TTLL7: variants seen among roughly 807,000 people sequenced by gnomAD.
TTLL7 encodes the protein tubulin tyrosine ligase like 7.
A neutral mutation model predicts 120.2 loss-of-function variants in TTLL7; 53 were observed. The ratio of observed to expected loss-of-function variants is 0.44; its 90% CI spans 0.35 to 0.55. The LOEUF (loss-of-function observed/expected upper bound fraction) is 0.55. Ranked by LOEUF, TTLL7 falls within the 20% of genes least tolerant of loss-of-function variation. The pLI is 0.00. For synonymous variants in TTLL7, 353 were observed against 351.7 expected, an observed-to-expected ratio of 1.00 and a Z score of -0.04; for missense variants, 803 against 1,054.7, an observed-to-expected ratio of 0.76 and a Z score of 3.31.
chr1:83,942,337 T>C, intron 7 of TTLL7, 126 bp downstream of exon 7: 2 of 695,206 alleles, frequency 2.9e-6, no homozygotes, highest in Non-Finnish European at 4.7e-6. Context: ...TGTACACAAT[T>C]CTTCCAGACC....
Position 83,870,038 on chromosome 1 carries a change from G to A in TTLL7, c.2588C>T (p.Thr863Ile), listed in dbSNP as rs778819530. ...AGGTGAATTGTACTTCAAGTTGTAG[G>A]TTGGTGTTCTCAAGAAGAATTGGGT... ...GSTQFFLRTP[T>I]YNLKYNSPGM... Residue 863 changes from threonine (T) to isoleucine (I), a missense_variant, in exon 21 of 21, where the codon ACC (threonine) becomes ATC (isoleucine). Transcript: ENST00000260505. 6.3e-7 allele frequency: 1 copy of A among 1,584,602 alleles called. No individual in the cohort carries two copies. Among genetic ancestry groups the A allele is most frequent in the Admixed American group, 1.9e-5 (1 of 52,558 alleles).
rs756743990 is a variant in TTLL7 at position 83,933,764 on chromosome 1, T to C, written c.891A>G (p.Glu297=). The C allele has an allele frequency of 7.5e-6, 12 of 1,606,982 alleles. No individual in the cohort carries two copies. The highest frequency in any genetic ancestry group is 1.0e-5 in the Non-Finnish European group (12 of 1,177,564). Residue 297 remains glutamate (E), a splice_region_variant and synonymous_variant, in exon 9 of 21, where the codon GAA becomes GAG. Coordinates refer to ENST00000260505, the MANE Select transcript of TTLL7 (RefSeq NM_024686.6). ...CTACAATCAGGGTCTTTACCACCAA[T>C]TCCTATAAGATTGTGATAAAAGAAG... ...DVAKFWSDIS[E]LVVKTLIVAE...
intron 14 of TTLL7, chr1:83,912,937 A>T (rs1657801428): frequency 6.6e-6 from 1 of 152,206 alleles, no homozygotes. Context: ...GCATACCCAG[A>T]AGAAAGAGTG....
intron 18 of TTLL7, among the ~76,000 whole-genome samples, chr1:83,894,976 C>CATAAG (rs1656089683): frequency 6.6e-6 from 1 of 152,030 alleles, no homozygotes; most frequent in African/African-American, 2.4e-5. Flanking sequence ...CTTCAACTCT[C>CATAAG]CTCTGAGTCT....
intron 17 of TTLL7, among the ~76,000 whole-genome samples, chr1:83,906,010 CATG>C (rs1289707239): frequency 6.6e-6 from 1 of 152,026 alleles, no homozygotes; most frequent in African/African-American, 2.4e-5. Context: ...GCAGGTTTAA[CATG>C]ATATTTGATT....
chr1:83,983,894 G>C (rs565681958), intron 1 of TTLL7: 1 of 152,210 alleles, frequency 6.6e-6, no homozygotes, highest in Non-Finnish European at 1.5e-5. Flanking sequence ...GTTTGAGACC[G>C]GCCAGGGCAA....
chr1:83,896,448 G>A (rs1047032664), intron 18 of TTLL7, among the ~76,000 whole-genome samples: 8 of 152,018 alleles, frequency 5.3e-5, no homozygotes, highest in African/African-American at 1.4e-4. Flanking sequence ...CCATATGGCC[G>A]AACAGTTGGT....
intron 19 of TTLL7, among the ~76,000 whole-genome samples, chr1:83,885,549 A>G (rs552476124): frequency 6.6e-6 from 1 of 152,152 alleles, no homozygotes; most frequent in African/African-American, 2.4e-5. Flanking sequence ...GGTCCTATAC[A>G]TATTTAGTTC....
chr1:83,893,062 G>A (rs1161761416), intron 18 of TTLL7, among the ~76,000 whole-genome samples: 1 of 151,756 alleles, frequency 6.6e-6, no homozygotes, highest in East Asian at 1.9e-4. Flanking sequence ...AACTACCTGG[G>A]AAATGGGGAG....
intron 4 of TTLL7, chr1:83,949,328 G>A (rs34274953): frequency 0.43 from 64,024 of 147,556 alleles, 14,976 homozygotes; most frequent in Non-Finnish European, 0.53. Context: ...TTTTTTTTTG[G>A]TGGTTGTTGT....
At chr1:83,951,767 T>C (rs1649078206) in intron 3 of TTLL7, 78 bp downstream of exon 3, 1 of 1,467,132 alleles carries the variant, frequency 6.8e-7, no homozygotes, top group Admixed American at 2.4e-5. Context: ...TCTCTTTGGA[T>C]TTCTACATTG....
chr1:83,890,237 A>G (rs1431893627), intron 19 of TTLL7, 84 bp downstream of exon 19: 2 of 1,347,432 alleles, frequency 1.5e-6, no homozygotes, highest in Non-Finnish European at 1.0e-6. Flanking sequence ...TTAAAAGATC[A>G]TTCAAGCATT....
At chr1:83,947,010 C>A (rs1205190775) in intron 6 of TTLL7, 114 bp downstream of exon 6, 4 of 796,080 alleles carry the variant, frequency 5.0e-6, no homozygotes, top group Admixed American at 3.7e-5. Context: ...AGTTAGAAAC[C>A]TATTTCGTTA....
intron 16 of TTLL7, 99 bp from the exon 17 acceptor site, chr1:83,906,562 C>G: frequency 6.5e-7 from 1 of 1,545,638 alleles, no homozygotes; most frequent in Non-Finnish European, 8.8e-7. Context: ...GCACTTTTAA[C>G]TGAAAACAAT....
chr1:83,995,233 A>G (rs1394664556), intron 1 of TTLL7, among the ~76,000 whole-genome samples: 2 of 152,126 alleles, frequency 1.3e-5, no homozygotes, highest in East Asian at 3.9e-4. Flanking sequence ...ACATGTAAGT[A>G]TTCCAAATTG....
At chr1:83,885,242 G>A (rs1264633491) in intron 19 of TTLL7, 1 of 152,714 alleles carries the variant, frequency 6.5e-6, no homozygotes, top group Non-Finnish European at 1.5e-5. Context: ...TGGGATTTTG[G>A]GTATGTCTAT....
intron 1 of TTLL7, among the ~76,000 whole-genome samples, chr1:83,970,548 A>C (rs1650878768): frequency 6.6e-6 from 1 of 152,096 alleles, no homozygotes; most frequent in Non-Finnish European, 1.5e-5. Context: ...TTCAATTTGG[A>C]CACGTCAGGT....
Position 83,929,044 on chromosome 1 carries a change from T to C in TTLL7, c.1142+92A>G, listed in dbSNP as rs1321513890. On this transcript the variant is annotated intron_variant, in intron 10 of 20. Transcript: ENST00000260505. The stretch of plus-strand genomic sequence containing the variant: ...GAAAATTATAAAATATAAAAATAAA[T>C]ATACTATTCTGAAAAGCCAATTTTA... 5 of 521,354 alleles carry C rather than the reference T, an allele frequency of 9.6e-6. No individual in the cohort carries two copies. In the East Asian group the frequency reaches 1.7e-4, roughly 18 times the overall value. The allele number at this position is 521,354 out of a possible 1,614,324, so 32.3% of individuals were successfully genotyped here.
chr1:83,948,828 T>C (rs1427724379), intron 4 of TTLL7, 133 bp from the exon 5 acceptor site: 1 of 609,252 alleles, frequency 1.6e-6, no homozygotes, highest in Non-Finnish European at 2.8e-6. Flanking sequence ...AAAGATTTAA[T>C]GTTAAATGAC....
Sources: gnomAD v4.1 joint callset for allele counts (sites outside exome capture counted in the v4.1 genomes callset) on GRCh38, gnomAD v4.1.1 for gene constraint, MANE v1.5 for transcripts, NCBI Gene and HGNC (gene_info 2026-07-23, HGNC 2026-07-21) for gene names.